The following SKA2 variants were observed in gnomAD, a reference collection of about 807,000 sequenced individuals.
SKA2 encodes spindle and kinetochore associated complex subunit 2.
Under a neutral mutation model 16.9 loss-of-function variants are expected in SKA2, and 13 were observed. The ratio of observed to expected loss-of-function variants is 0.77; its 90% CI spans 0.50 to 1.22. The LOEUF (loss-of-function observed/expected upper bound fraction) is 1.22, where lower values mean the gene tolerates loss of function less well. Among genes scored for constraint, SKA2 ranks in the 50% most tolerant of loss-of-function variants. The probability of loss-of-function intolerance (pLI) is 0.00; values close to 1 mark genes in which losing one functional copy is unlikely to be tolerated. For missense variants in SKA2, 107 were observed against 139.7 expected, an observed-to-expected ratio of 0.77 and a Z score of 1.18; for synonymous variants, 47 against 48.5, an observed-to-expected ratio of 0.97 and a Z score of 0.13.
Position 59,112,195 on chromosome 17 carries a change from T to A in SKA2, c.*82A>T. The A allele has an allele frequency of 8.7e-7, 1 of 1,145,912 alleles. No homozygotes were observed. The highest frequency in any genetic ancestry group is 1.3e-6 in the Non-Finnish European group (1 of 773,766). The allele number at this position is 1,145,912 out of a possible 1,614,324, so 71.0% of individuals were successfully genotyped here. A position where few individuals can be genotyped will look rare whatever the true frequency, so the allele number is the denominator to read the frequency against. ...TTCACCAGCCCCCAATCTCTAGACATCAAGGGTTAACAAGACATCTTCCTA... is the reference window on the plus strand; with the variant it reads ...TTCACCAGCCCCCAATCTCTAGACAACAAGGGTTAACAAGACATCTTCCTA... On this transcript the variant is annotated 3_prime_UTR_variant, in exon 4 of 4. Transcript: ENST00000330137.
chr17:59,138,770 TTAAG>T (rs2046465081), intron 1 of SKA2, among the ~76,000 whole-genome samples: 1 of 152,068 alleles, frequency 6.6e-6, no homozygotes, highest in East Asian at 1.9e-4. Context: ...GTTTAAGGCT[TTAAG>T]TAAGTGGCAC....
intron 3 of SKA2, among the ~76,000 whole-genome samples, chr17:59,113,117 G>A (rs1021129874): frequency 6.6e-6 from 1 of 151,892 alleles, no homozygotes; most frequent in African/African-American, 2.4e-5. Flanking sequence ...CAGCTGCTCG[G>A]GAGGCTGTGG....
intron 1 of SKA2, 94 bp from the exon 2 acceptor site, chr17:59,131,461 T>G: frequency 2.7e-6 from 2 of 742,974 alleles, no homozygotes; most frequent in Non-Finnish European, 4.1e-6. Context: ...TTGTTAGTAT[T>G]TCAATAAGTG....
chr17:59,118,757 T>C (rs1024001401), intron 3 of SKA2, among the ~76,000 whole-genome samples: 1 of 152,160 alleles, frequency 6.6e-6, no homozygotes, highest in African/African-American at 2.4e-5. Context: ...TAAGCAGATA[T>C]TATTCTATTT....
intron 1 of SKA2, among the ~76,000 whole-genome samples, chr17:59,141,352 G>A (rs2046487786): frequency 6.6e-6 from 1 of 151,918 alleles, no homozygotes; most frequent in South Asian, 2.1e-4. Context: ...AGCCGAGATC[G>A]CACCACTGCA....
At chr17:59,120,053 C>T (rs1458494273) in intron 2 of SKA2, among the ~76,000 whole-genome samples, 1 of 151,668 alleles carries the variant, frequency 6.6e-6, no homozygotes, top group East Asian at 1.9e-4. Context: ...GGACTACAGG[C>T]GCCCGCCACC....
intron 1 of SKA2, among the ~76,000 whole-genome samples, chr17:59,145,657 C>T (rs2046526550): frequency 6.6e-6 from 1 of 151,988 alleles, no homozygotes; most frequent in Admixed American, 6.6e-5. Flanking sequence ...AGATAAGTTT[C>T]TTAATATCTT....
intron 1 of SKA2, among the ~76,000 whole-genome samples, chr17:59,148,808 CAAAAAAAA>C (rs758187008): frequency 2.1e-5 from 1 of 47,582 alleles, no homozygotes; most frequent in South Asian, 8.3e-4. Context: ...GACCCTGTCT[CAAAAAAAA>C]AAAAAAAAAA....
chr17:59,130,079 GA>G (rs1312175079), intron 2 of SKA2, among the ~76,000 whole-genome samples: 2 of 151,772 alleles, frequency 1.3e-5, no homozygotes, highest in Non-Finnish European at 2.9e-5. Context: ...AGAAAAAAGA[GA>G]AAGGAAAGAA....
chr17:59,113,389 G>T (rs1000108990), intron 3 of SKA2, among the ~76,000 whole-genome samples: 2 of 150,998 alleles, frequency 1.3e-5, no homozygotes, highest in African/African-American at 4.9e-5. Flanking sequence ...CAGGCATGGT[G>T]GTATGCACCT....
rs181663999 is a variant in SKA2 at position 59,120,151 on chromosome 17, G to A, written c.121-656C>T. On this transcript the variant is annotated intron_variant, in intron 2 of 3. Transcript: ENST00000330137. ...TCTCAATCTCCTGACCTTGTGATCC[G>A]CCCGCCTCAACCTCCCAAAGTGCTG... Among the ~76,000 whole-genome samples the A allele has an allele frequency of 8.5e-3, 1,298 of 151,898 alleles. 7 individuals carry two copies. Among genetic ancestry groups the A allele is most frequent in the Non-Finnish European group, 0.014 (923 of 67,890 alleles).
chr17:59,131,526 CATA>C (rs1382447594), intron 1 of SKA2, among the ~76,000 whole-genome samples, 159 bp from the exon 2 acceptor site: 1 of 152,032 alleles, frequency 6.6e-6, no homozygotes, highest in Non-Finnish European at 1.5e-5. Flanking sequence ...ATCCATTATC[CATA>C]ATAACTATGC....
intron 2 of SKA2, among the ~76,000 whole-genome samples, chr17:59,125,060 G>A (rs1290369127): frequency 1.3e-5 from 2 of 148,400 alleles, no homozygotes; most frequent in East Asian, 2.0e-4. Flanking sequence ...CGCAACTTTC[G>A]CCTCCCAGGT....
Position 59,122,683 on chromosome 17 carries a change from G to A in SKA2, c.121-3188C>T, listed in dbSNP as rs946922824. Among the ~76,000 whole-genome samples, 8 of 151,822 alleles carry A rather than the reference G, an allele frequency of 5.3e-5. No individual in the cohort carries two copies. In the East Asian group the frequency reaches 5.8e-4, roughly 11 times the overall value. On this transcript the variant is annotated intron_variant, in intron 2 of 3. Coordinates refer to ENST00000330137, the MANE Select transcript of SKA2 (RefSeq NM_182620.4). Reference sequence around the variant, plus strand: ...CACATGCCTATGGTGCTAGCTACTCGGGCGGCTAAGCAGGGAGGATCACTT... The same window carrying A: ...CACATGCCTATGGTGCTAGCTACTCAGGCGGCTAAGCAGGGAGGATCACTT...
Position 59,119,338 on chromosome 17 carries a change from T to C in SKA2, c.278A>G (p.Gln93Arg), listed in dbSNP as rs752312389. ...KKTMNMIQKLQKQTDLELSPL... is the reference protein window; with the variant it reads ...KKTMNMIQKLRKQTDLELSPL... ...CATTACCTCCAGGTCTGTTTGCTTC[T>C]GTAGTTTTTGTATCATATTCATAGT... is the stretch of plus-strand genomic sequence containing the variant. Residue 93 changes from glutamine to arginine, a missense_variant, in exon 3 of 4, where the codon CAG (glutamine) becomes CGG (arginine). Physicochemically the swap from Gln to Arg is conservative, Grantham distance 43. Transcript: ENST00000330137. 2.5e-6 allele frequency: 4 copies of C among 1,613,836 alleles called. No homozygotes were observed. Among genetic ancestry groups the C allele is most frequent in the Non-Finnish European group, 3.4e-6 (4 of 1,179,858 alleles).
intron 1 of SKA2, among the ~76,000 whole-genome samples, chr17:59,135,805 T>C (rs970119184): frequency 1.3e-5 from 2 of 148,192 alleles, no homozygotes; most frequent in Non-Finnish European, 3.0e-5. Context: ...TAAAATTTTA[T>C]ATTGCATATT....
In SKA2 at chr17:59,134,794, C is replaced by G. The variant is rs565533607; in HGVS notation, c.34-3427G>C. ...CACAAAACATGATGAGTTTGGGGGA[C>G]ACAAAACTCCCAAATGTAGACTATA... On this transcript the variant is annotated intron_variant, in intron 1 of 3. Coordinates refer to ENST00000330137, the MANE Select transcript of SKA2 (RefSeq NM_182620.4). 1.2e-4 allele frequency among the ~76,000 whole-genome samples: 19 copies of G among 152,038 alleles called. No homozygotes were observed. In the South Asian group the frequency reaches 3.7e-3, roughly 30 times the overall value.
chr17:59,115,270 C>G (rs1300576419), intron 3 of SKA2, among the ~76,000 whole-genome samples: 1 of 151,932 alleles, frequency 6.6e-6, no homozygotes, highest in Non-Finnish European at 1.5e-5. Context: ...GTTGGCCAGG[C>G]TGGTCTGGAA....
chr17:59,113,590 G>A (rs1342985470), intron 3 of SKA2, among the ~76,000 whole-genome samples: 8 of 151,820 alleles, frequency 5.3e-5, no homozygotes, highest in Non-Finnish European at 2.9e-5. Context: ...TTAGGAGGCT[G>A]AGGTGGGTGG....
Sources: allele counts gnomAD v4.1 joint callset (sites outside exome capture counted in the v4.1 genomes callset), GRCh38; gene constraint gnomAD v4.1.1; transcripts MANE v1.5; gene names NCBI Gene and HGNC (gene_info 2026-07-23, HGNC 2026-07-21).